UNC13C: variants seen among roughly 807,000 people sequenced by gnomAD.
The protein encoded by UNC13C is protein unc-13 homolog C.
Under a neutral mutation model 245.4 loss-of-function variants are expected in UNC13C, and 174 were observed. That is an observed-to-expected ratio of 0.71 (90% CI 0.63 to 0.80). The LOEUF (loss-of-function observed/expected upper bound fraction) is 0.80, where lower values mean the gene tolerates loss of function less well. Ranked by LOEUF, UNC13C falls within the 30% of genes least tolerant of loss-of-function variation. The pLI is 0.00. For synonymous variants in UNC13C, 992 were observed against 895.1 expected (o/e 1.11, Z -1.93); for missense variants, 2,829 against 2,602.9 (o/e 1.09, Z -1.89).
the UNC13C span, among the ~76,000 whole-genome samples, chr15:53,894,992 A>C: frequency 7.2e-6 from 1 of 138,918 alleles, no homozygotes; most frequent in Non-Finnish European, 1.5e-5. Flanking sequence ...ATTAGATATC[A>C]CTAGATAAAT....
At chr15:54,336,665 G>A (rs1016072277) in intron 16 of UNC13C, among the ~76,000 whole-genome samples, 2 of 152,032 alleles carry the variant, frequency 1.3e-5, no homozygotes, top group Non-Finnish European at 2.9e-5. Context: ...GGTGTAAAGT[G>A]TGAATCAAGG....
chr15:54,241,408 G>T (rs192815188), intron 7 of UNC13C, among the ~76,000 whole-genome samples: 99 of 152,256 alleles, frequency 6.5e-4, no homozygotes, highest in African/African-American at 2.4e-3. Flanking sequence ...ACCTCTCTGA[G>T]ACTTCAACTT....
intron 17 of UNC13C, among the ~76,000 whole-genome samples, chr15:54,349,713 A>G (rs984844809): frequency 9.2e-5 from 14 of 152,196 alleles, no homozygotes; most frequent in African/African-American, 2.9e-4. Context: ...CCAGTAATCT[A>G]ACTCTGGGTA....
chr15:54,192,403 C>G (rs752928083), intron 4 of UNC13C, among the ~76,000 whole-genome samples: 1 of 152,002 alleles, frequency 6.6e-6, no homozygotes, highest in Non-Finnish European at 1.5e-5. Flanking sequence ...AGGATAGATT[C>G]TCCATGCTTC....
the UNC13C span, among the ~76,000 whole-genome samples, chr15:53,925,053 A>T: frequency 1.3e-5 from 2 of 152,182 alleles, no homozygotes; most frequent in Non-Finnish European, 2.9e-5. Context: ...AGTTTGTTTC[A>T]GTCAATGGTT....
the UNC13C span, among the ~76,000 whole-genome samples, chr15:53,844,259 G>A: frequency 1.3e-5 from 2 of 152,144 alleles, no homozygotes; most frequent in South Asian, 4.1e-4. Context: ...TGGTGAAGTA[G>A]AAGGCAAGGT....
rs527821072 is a variant in UNC13C, at chr15:54,089,345, G to T, written c.2984-53673G>T. Among the ~76,000 whole-genome samples the T allele has an allele frequency of 5.3e-5, 8 of 152,314 alleles. No individual in the cohort carries two copies. The South Asian group carries it at 1.7e-3, about 32-fold the overall frequency. ...TCTACAATTACCATTACTTCTTTTA[G>T]CTTAATGAGGAGGACTTGGGAGACT... On this transcript the variant is annotated intron_variant, in intron 2 of 32. Transcript: ENST00000260323.
chr15:53,995,234 A>G (rs1894567740), intron 1 of UNC13C, among the ~76,000 whole-genome samples: 1 of 152,126 alleles, frequency 6.6e-6, no homozygotes, highest in Non-Finnish European at 1.5e-5. Flanking sequence ...AGTTAGAAGA[A>G]AGGGGAAAAA....
At chr15:53,986,382 A>T (rs1367479640) in intron 1 of UNC13C, among the ~76,000 whole-genome samples, 1 of 152,012 alleles carries the variant, frequency 6.6e-6, no homozygotes. Context: ...TTCTCTTAAG[A>T]TACTTGACAC....
intron 2 of UNC13C, chr15:54,050,623 C>G (rs1397616336): frequency 6.8e-6 from 3 of 439,398 alleles, no homozygotes; most frequent in Non-Finnish European, 9.0e-6. Flanking sequence ...AATTTATCAT[C>G]AGAACTTATG....
intron 17 of UNC13C, among the ~76,000 whole-genome samples, chr15:54,354,681 T>C (rs1372306705): frequency 6.6e-6 from 1 of 152,206 alleles, no homozygotes; most frequent in Non-Finnish European, 1.5e-5. Flanking sequence ...AGGAACAAGG[T>C]TGTACAAACC....
At chr15:54,486,789 A>G (rs904772384) in intron 19 of UNC13C, among the ~76,000 whole-genome samples, 3 of 152,040 alleles carry the variant, frequency 2.0e-5, no homozygotes, top group Admixed American at 2.0e-4. Context: ...ATAACTATCC[A>G]TCTCTATTTC....
At chr15:54,550,975 G>C (rs1459747012) in intron 28 of UNC13C, among the ~76,000 whole-genome samples, 1 of 152,112 alleles carries the variant, frequency 6.6e-6, no homozygotes, top group Non-Finnish European at 1.5e-5. Flanking sequence ...ATCTCCCCAG[G>C]CTTCAGTTTC....
chr15:54,188,668 A>G (rs2034078243), intron 4 of UNC13C, among the ~76,000 whole-genome samples: 1 of 152,180 alleles, frequency 6.6e-6, no homozygotes, highest in African/African-American at 2.4e-5. Context: ...TGTATGCTGT[A>G]TATTAGCCCT....
intron 4 of UNC13C, among the ~76,000 whole-genome samples, chr15:54,167,745 A>T (rs550877564): frequency 6.6e-6 from 1 of 152,122 alleles, no homozygotes. Context: ...AAGGACTGGT[A>T]TGCAGGGTAT....
At chr15:54,331,409 C>G (rs1164722758) in intron 14 of UNC13C, among the ~76,000 whole-genome samples, 1 of 152,060 alleles carries the variant, frequency 6.6e-6, no homozygotes, top group Admixed American at 6.6e-5. Context: ...CAGTTCAACA[C>G]TGATACTGCA....
chr15:53,854,616 C>G, the UNC13C span, among the ~76,000 whole-genome samples: 1 of 152,018 alleles, frequency 6.6e-6, no homozygotes, highest in Non-Finnish European at 1.5e-5. Flanking sequence ...GGTGTGTGGT[C>G]TTATTTCTGA....
chr15:54,621,272 T>TA (rs1249020994), intron 30 of UNC13C, among the ~76,000 whole-genome samples: 2 of 152,202 alleles, frequency 1.3e-5, no homozygotes, highest in African/African-American at 4.8e-5. Flanking sequence ...TTGCAAAAGT[T>TA]ACAGTCTCTG....
intron 30 of UNC13C, among the ~76,000 whole-genome samples, chr15:54,569,978 A>G (rs1566915472): frequency 6.6e-6 from 1 of 152,096 alleles, no homozygotes; most frequent in Non-Finnish European, 1.5e-5. Context: ...GACTTAGTGT[A>G]TAAAAGGGAG....
Sources: allele counts gnomAD v4.1 joint callset (sites outside exome capture counted in the v4.1 genomes callset), GRCh38; gene constraint gnomAD v4.1.1; transcripts MANE v1.5; gene names NCBI Gene and HGNC (gene_info 2026-07-23, HGNC 2026-07-21).